The following DKK3 variants were observed in gnomAD, a reference collection of about 807,000 sequenced individuals.
DKK3 encodes the protein dickkopf Wnt signaling pathway inhibitor 3, also known as dickkopf-related protein 3.
Under a neutral mutation model 33.2 loss-of-function variants are expected in DKK3, and 22 were observed. The ratio of observed to expected loss-of-function variants is 0.66; its 90% CI spans 0.47 to 0.95. The LOEUF (loss-of-function observed/expected upper bound fraction) is 0.95, where lower values mean the gene tolerates loss of function less well. DKK3 is among the 40% of genes least tolerant of loss of function. The pLI, the probability that DKK3 is intolerant of heterozygous loss-of-function variation, is 0.00. For synonymous variants in DKK3, 194 were observed against 188.8 expected (o/e 1.03, Z -0.23); for missense variants, 398 against 458.4 (o/e 0.87, Z 1.20).
At chr11:11,966,109 G>A (rs1168471955) in intron 5 of DKK3, 144 bp from the exon 6 acceptor site, 6 of 1,049,990 alleles carry the variant, frequency 5.7e-6, no homozygotes, top group Admixed American at 2.8e-5. Context: ...CGGAATGACA[G>A]GAAACAAGAA....
rs869057648 is a variant in DKK3 at position 12,000,183 on chromosome 11, TG to T, written c.352-1405del. Among the ~76,000 whole-genome samples the T allele has an allele frequency of 7.4e-4, 6 of 8,136 alleles. No individual in the cohort carries two copies. The African/African-American group carries it at 9.9e-3, about 13-fold the overall frequency. 5.3% of individuals were successfully genotyped at this position (8,136 alleles called of 152,430 possible). ...AGCATTGCATAAGACTAGTGTTTTT[TG>T]TTTGTTTGTTTGTTTGTTTGTTTGT... On this transcript the variant is annotated intron_variant, in intron 2 of 6. Transcript: ENST00000683431.
chr11:11,973,951 T>C (rs757829279), intron 3 of DKK3, among the ~76,000 whole-genome samples: 2 of 152,214 alleles, frequency 1.3e-5, no homozygotes, highest in African/African-American at 2.4e-5. Flanking sequence ...CTTCTGATGC[T>C]GCATCTCATT....
At chr11:11,977,099 G>A (rs572251132) in intron 3 of DKK3, among the ~76,000 whole-genome samples, 1 of 152,094 alleles carries the variant, frequency 6.6e-6, no homozygotes, top group African/African-American at 2.4e-5. Context: ...GGCCTGGCTC[G>A]CCTGGGGCTG....
At chr11:11,970,371 G>C (rs1199720498) in intron 3 of DKK3, among the ~76,000 whole-genome samples, 1 of 152,194 alleles carries the variant, frequency 6.6e-6, no homozygotes, top group African/African-American at 2.4e-5. Flanking sequence ...CAAATAGAAA[G>C]GCGTTCAACC....
chr11:12,003,494 G>T (rs1848473379), intron 1 of DKK3, among the ~76,000 whole-genome samples: 1 of 152,166 alleles, frequency 6.6e-6, no homozygotes, highest in South Asian at 2.1e-4. Context: ...ATATGTCAGT[G>T]ACCTCATATC....
chr11:11,984,614 C>T (rs997621987), intron 3 of DKK3, among the ~76,000 whole-genome samples: 1 of 151,068 alleles, frequency 6.6e-6, no homozygotes, highest in Non-Finnish European at 1.5e-5. Context: ...ATCCATTGCC[C>T]TCTTTATAAA....
chr11:11,989,865 T>C (rs1848152305), intron 3 of DKK3, among the ~76,000 whole-genome samples: 1 of 152,210 alleles, frequency 6.6e-6, no homozygotes, highest in African/African-American at 2.4e-5. Context: ...TTTATAATTT[T>C]CTCTGAGCCT....
At chr11:11,972,380 G>A (rs577276472) in intron 3 of DKK3, among the ~76,000 whole-genome samples, 1 of 152,316 alleles carries the variant, frequency 6.6e-6, no homozygotes, top group East Asian at 1.9e-4. Context: ...TCTCTGTCCT[G>A]GTCAGCACTC....
chr11:11,973,268 C>T (rs913739519), intron 3 of DKK3, among the ~76,000 whole-genome samples: 7 of 152,248 alleles, frequency 4.6e-5, no homozygotes, highest in Non-Finnish European at 8.8e-5. Flanking sequence ...GGTCACCCAG[C>T]TTGACTGGAC....
chr11:11,986,871 G>A (rs1164526783), intron 3 of DKK3, among the ~76,000 whole-genome samples: 1 of 152,184 alleles, frequency 6.6e-6, no homozygotes, highest in East Asian at 1.9e-4. Context: ...ATACAGCCCA[G>A]CAAACAGTAG....
chr11:11,996,276 T>A (rs1394424949), intron 3 of DKK3, among the ~76,000 whole-genome samples: 1 of 152,190 alleles, frequency 6.6e-6, no homozygotes, highest in Non-Finnish European at 1.5e-5. Flanking sequence ...TCCCCTGCAT[T>A]CCCTTGATAG....
At chr11:11,985,237 T>A (rs1444233916) in intron 3 of DKK3, among the ~76,000 whole-genome samples, 1 of 152,128 alleles carries the variant, frequency 6.6e-6, no homozygotes. Flanking sequence ...TCCTTTGTGC[T>A]CCAGCACCAA....
intron 3 of DKK3, among the ~76,000 whole-genome samples, chr11:11,991,539 G>C (rs1179799821): frequency 6.6e-6 from 1 of 151,970 alleles, no homozygotes; most frequent in Non-Finnish European, 1.5e-5. Context: ...GGGCAATATA[G>C]TGAGACACTG....
chr11:12,008,980 C>A, upstream of DKK3: 1 of 1,001,932 alleles, frequency 1.0e-6, no homozygotes, highest in Non-Finnish European at 1.2e-6. The surrounding 1 kb of genome is among the most constrained non-coding windows in gnomAD (Gnocchi z 4.6). Flanking sequence ...CTAGCCCCTC[C>A]TCGACCAGGT....
chr11:11,966,005 G>C, intron 5 of DKK3, 40 bp from the exon 6 acceptor site: 2 of 1,572,326 alleles, frequency 1.3e-6, no homozygotes, highest in Non-Finnish European at 1.7e-6. Context: ...GCCCCGTGTA[G>C]GGTAGAAGGG....
chr11:11,986,741 T>C (rs1225821226), intron 3 of DKK3, among the ~76,000 whole-genome samples: 1 of 152,238 alleles, frequency 6.6e-6, no homozygotes, highest in Non-Finnish European at 1.5e-5. Flanking sequence ...TCTACCATTT[T>C]ACCGTCTGCC....
In DKK3 at chr11:11,963,123, A is replaced by G. The variant is rs1847495034; in HGVS notation, c.*1341T>C. On this transcript the variant is annotated 3_prime_UTR_variant, in exon 7 of 7. Coordinates refer to ENST00000683431, the MANE Select transcript of DKK3 (RefSeq NM_001018057.2). ...TACAGAAGAGCAGTTGAAGTGATTTATGCTTGATTTCTAAATGCAACTTAT... is the reference window on the plus strand; with the variant it reads ...TACAGAAGAGCAGTTGAAGTGATTTGTGCTTGATTTCTAAATGCAACTTAT... 6.5e-6 allele frequency: 1 copy of G among 152,678 alleles called. No individual in the cohort carries two copies. Among genetic ancestry groups the G allele is most frequent in the Admixed American group, 6.5e-5 (1 of 15,288 alleles). The allele number at this position is 152,678 out of a possible 1,614,324, so 9.5% of individuals were successfully genotyped here. A position where few individuals can be genotyped will look rare whatever the true frequency, so the allele number is the denominator to read the frequency against.
intron 2 of DKK3, among the ~76,000 whole-genome samples, chr11:11,999,270 A>T (rs1355129430): frequency 6.6e-6 from 1 of 152,194 alleles, no homozygotes; most frequent in Non-Finnish European, 1.5e-5. Context: ...GTATAATGAG[A>T]GACTTGTTCC....
chr11:11,997,731 G>A (rs905441058), intron 3 of DKK3, among the ~76,000 whole-genome samples: 1 of 152,106 alleles, frequency 6.6e-6, no homozygotes, highest in Admixed American at 6.5e-5. Flanking sequence ...CCAGCCTGCT[G>A]TAAAAGTCGG....
Sources: allele counts gnomAD v4.1 joint callset (sites outside exome capture counted in the v4.1 genomes callset), GRCh38; gene constraint gnomAD v4.1.1; non-coding constraint Gnocchi (gnomAD v3.1); transcripts MANE v1.5; gene names NCBI Gene and HGNC (gene_info 2026-07-23, HGNC 2026-07-21).